Variants in EYS observed in about 807,000 individuals in gnomAD.
EYS encodes EGF-like photoreceptor maintenance factor, also known as protein eyes shut homolog.
EYS carries 250 observed loss-of-function variants against 282.1 expected under a neutral mutation model. The ratio of observed to expected loss-of-function variants is 0.89; its 90% CI spans 0.80 to 0.98. EYS has a LOEUF of 0.98. Ranked by LOEUF, EYS falls within the 50% of genes least tolerant of loss-of-function variation. The pLI, the probability that EYS is intolerant of heterozygous loss-of-function variation, is 0.00. For synonymous variants in EYS, 1,355 were observed against 1,282.9 expected (o/e 1.06, Z -1.20); for missense variants, 4,016 against 3,709.0 (o/e 1.08, Z -2.15).
chr6:64,626,067 T>C, intron 23 of EYS, 54 bp downstream of exon 23: 2 of 1,074,334 alleles, frequency 1.9e-6, no homozygotes, highest in South Asian at 1.5e-5. Flanking sequence ...TACATTTACA[T>C]AAACGTATAT....
chr6:65,593,668 C>G (rs1765307608), intron 2 of EYS, among the ~76,000 whole-genome samples: 1 of 151,938 alleles, frequency 6.6e-6, no homozygotes, highest in African/African-American at 2.4e-5. Context: ...TTTCTACTTA[C>G]TCTCCCATAG....
rs1772641349 is a variant in EYS at position 63,865,133 on chromosome 6, G to A, written c.7056-775C>T. On this transcript the variant is annotated intron_variant, in intron 35 of 42. Coordinates refer to ENST00000503581, the MANE Select transcript of EYS (RefSeq NM_001142800.2). ...GGTGCCAATCATAGTGTATAGTGCA[G>A]GGTGGATACATGACACGCTAGGCCA... Among the ~76,000 whole-genome samples the A allele has an allele frequency of 2.0e-5, 3 of 152,206 alleles. No homozygotes were observed. The South Asian group carries it at 6.2e-4, about 31-fold the overall frequency.
intron 12 of EYS, among the ~76,000 whole-genome samples, chr6:65,069,225 T>C (rs1040957945): frequency 1.3e-5 from 2 of 152,034 alleles, no homozygotes; most frequent in Non-Finnish European, 2.9e-5. Context: ...TTGATCGGCA[T>C]TTAAAACTAT....
chr6:65,090,135 C>T (rs1774513939), intron 12 of EYS, among the ~76,000 whole-genome samples: 1 of 151,772 alleles, frequency 6.6e-6, no homozygotes, highest in Admixed American at 6.6e-5. Context: ...GTGTCACCAC[C>T]CAAGATCTCA....
At chr6:65,423,387 A>G (rs1397585784) in intron 5 of EYS, among the ~76,000 whole-genome samples, 5 of 151,930 alleles carry the variant, frequency 3.3e-5, no homozygotes, top group Non-Finnish European at 1.5e-5. Flanking sequence ...AATGTGTGTG[A>G]TGGGCAGATG....
intron 26 of EYS, among the ~76,000 whole-genome samples, chr6:64,478,010 A>G (rs1258885516): frequency 6.6e-6 from 1 of 152,036 alleles, no homozygotes; most frequent in Non-Finnish European, 1.5e-5. Context: ...CAGCAAAAGC[A>G]CTATGTACCA....
intron 31 of EYS, among the ~76,000 whole-genome samples, chr6:64,091,803 A>G (rs1436899867): frequency 1.3e-5 from 2 of 152,138 alleles, no homozygotes; most frequent in Non-Finnish European, 2.9e-5. Context: ...CAAAACGTGC[A>G]GGTTTGTTAC....
At position 65,639,001 on chromosome 6, in the gene EYS, C is replaced by T. The variant is rs573731201; in HGVS notation, c.-333+777G>A. ...TCTTAATTACCATGCTCTATATTCT[C>T]CTAGCTGCTCTGTAGAAAAAAGTTC... On this transcript the variant is annotated intron_variant, in intron 2 of 42. Transcript: ENST00000503581. 4.1e-4 allele frequency among the ~76,000 whole-genome samples: 63 copies of T among 152,294 alleles called. 1 individual carries two copies. Among genetic ancestry groups the T allele is most frequent in the South Asian group, 4.1e-4 (2 of 4,828 alleles).
intron 30 of EYS, among the ~76,000 whole-genome samples, chr6:64,292,243 T>G (rs1768741320): frequency 6.6e-6 from 1 of 152,140 alleles, no homozygotes; most frequent in Admixed American, 6.5e-5. Flanking sequence ...TTTCTGGAGT[T>G]GCAGCATATT....
chr6:65,392,745 A>G (rs1022086152), intron 7 of EYS, among the ~76,000 whole-genome samples: 4 of 151,682 alleles, frequency 2.6e-5, no homozygotes, highest in Admixed American at 6.6e-5. Flanking sequence ...TAGTTCAACC[A>G]TTGTGGAAGT....
intron 35 of EYS, among the ~76,000 whole-genome samples, chr6:63,933,821 T>C (rs561165883): frequency 1.3e-5 from 2 of 152,248 alleles, no homozygotes; most frequent in East Asian, 3.9e-4. Flanking sequence ...ACTCTATATA[T>C]GAAGGTTTGA....
chr6:65,365,039 T>G (rs1764862800), intron 8 of EYS, among the ~76,000 whole-genome samples: 1 of 151,586 alleles, frequency 6.6e-6, no homozygotes. Context: ...GATAGATTGC[T>G]TAAAAAAGTC....
chr6:65,215,991 A>C (rs1766302610), intron 12 of EYS, among the ~76,000 whole-genome samples: 1 of 152,190 alleles, frequency 6.6e-6, no homozygotes, highest in South Asian at 2.1e-4. Context: ...AGAGAACAAA[A>C]ATATTTTATT....
At chr6:64,768,698 A>T (rs1189353924) in intron 22 of EYS, among the ~76,000 whole-genome samples, 1 of 152,182 alleles carries the variant, frequency 6.6e-6, no homozygotes, top group Non-Finnish European at 1.5e-5. Context: ...ATAAAGGTAC[A>T]GAAGCAAAGC....
chr6:65,192,375 CATA>C (rs1203615423), intron 12 of EYS, among the ~76,000 whole-genome samples: 4 of 149,202 alleles, frequency 2.7e-5, no homozygotes, highest in Non-Finnish European at 5.9e-5. Context: ...TACAAGTTCA[CATA>C]AAAAATTTTA....
chr6:64,035,863 A>G (rs1582177247), intron 33 of EYS, among the ~76,000 whole-genome samples: 1 of 152,224 alleles, frequency 6.6e-6, no homozygotes, highest in East Asian at 1.9e-4. Flanking sequence ...AAATCTGATT[A>G]TAAGTTCTCA....
chr6:65,069,297 T>C (rs1372108808), intron 12 of EYS, among the ~76,000 whole-genome samples: 2 of 151,976 alleles, frequency 1.3e-5, no homozygotes, highest in African/African-American at 4.8e-5. Flanking sequence ...CCTCATTCTT[T>C]CTCTCTTCCT....
intron 26 of EYS, among the ~76,000 whole-genome samples, chr6:64,485,630 A>G (rs1039648455): frequency 1.3e-5 from 2 of 151,474 alleles, no homozygotes; most frequent in African/African-American, 4.8e-5. Flanking sequence ...CTAGTTTTCT[A>G]TAATCATTTC....
intron 33 of EYS, among the ~76,000 whole-genome samples, chr6:64,053,298 A>G (rs1446137772): frequency 6.6e-6 from 1 of 152,132 alleles, no homozygotes; most frequent in Non-Finnish European, 1.5e-5. Context: ...GATTTTATAC[A>G]TTTTTAATTT....
Sources: allele counts gnomAD v4.1 joint callset (sites outside exome capture counted in the v4.1 genomes callset), GRCh38; gene constraint gnomAD v4.1.1; transcripts MANE v1.5; gene names NCBI Gene and HGNC (gene_info 2026-07-23, HGNC 2026-07-21).